The following NDRG2 variants were observed in gnomAD, a reference collection of about 807,000 sequenced individuals.
The protein encoded by NDRG2 is protein NDRG2.
In NDRG2, 34 loss-of-function variants were observed where a neutral mutation model predicts 58.2. That is an observed-to-expected ratio of 0.58 (90% CI 0.44 to 0.78). The LOEUF is 0.78. Ranked by LOEUF, NDRG2 falls within the 30% of genes least tolerant of loss-of-function variation. The pLI is 0.00. For missense variants in NDRG2, 434 were observed against 471.2 expected, an observed-to-expected ratio of 0.92 and a Z score of 0.73; for synonymous variants, 187 against 175.9, an observed-to-expected ratio of 1.06 and a Z score of -0.50.
intron 1 of NDRG2, among the ~76,000 whole-genome samples, chr14:21,046,178 TAC>T (rs1885135645): frequency 6.6e-6 from 1 of 152,206 alleles, no homozygotes; most frequent in African/African-American, 2.4e-5. Flanking sequence ...TTCTGTTCTG[TAC>T]TATTTGTTAA....
intron 1 of NDRG2, among the ~76,000 whole-genome samples, chr14:21,052,968 G>C (rs1885530426): frequency 6.6e-6 from 1 of 152,146 alleles, no homozygotes; most frequent in South Asian, 2.1e-4. Flanking sequence ...TATTCAGTCT[G>C]TTAGCCTACT....
chr14:21,021,663 T>C (rs966067120), intron 6 of NDRG2, 154 bp downstream of exon 6: 5 of 860,826 alleles, frequency 5.8e-6, no homozygotes, highest in Admixed American at 5.2e-5. Flanking sequence ...CCCACCACCT[T>C]TTCTCAATAA....
chr14:21,053,763 C>T (rs1885564968), intron 1 of NDRG2, among the ~76,000 whole-genome samples: 1 of 152,110 alleles, frequency 6.6e-6, no homozygotes, highest in Non-Finnish European at 1.5e-5. Flanking sequence ...ATGATCGTGC[C>T]ACTGCACTCC....
chr14:21,025,148 C>A, upstream of NDRG2: 1 of 969,246 alleles, frequency 1.0e-6, no homozygotes, highest in Non-Finnish European at 1.2e-6. The surrounding 1 kb of genome is among the most constrained non-coding windows in gnomAD (Gnocchi z 5.1). Context: ...CTAGGCTCCC[C>A]GCAGACCCGC....
intron 1 of NDRG2, among the ~76,000 whole-genome samples, chr14:21,069,021 CCTCCAGCTGCAGGGGCA>C (rs1886457961): frequency 6.6e-6 from 1 of 152,248 alleles, no homozygotes; most frequent in Non-Finnish European, 1.5e-5. Context: ...TCATCATCGC[CCTCCAGCTGCAGGGGCA>C]CACGCGTTCA....
chr14:21,020,785 G>A lies in NDRG2; in HGVS notation c.467C>T (p.Ala156Val), dbSNP rs1216275980. The change falls in exon 7 of 16, where the codon GCT (alanine) becomes GTT (valine). Residue 156 changes from alanine (A) to valine (V), a missense_variant and splice_region_variant. By Grantham distance (64) the Ala-to-Val change is moderately conservative. Transcript: ENST00000556147. Reference protein sequence around the residue: ...GAGAYILARYALNHPDTVEGL... With the variant: ...GAGAYILARYVLNHPDTVEGL... ...TCCTCTGGGCTTTTTATTTCTTACA[G>A]CATATCTCGCCAGGATGTAGGCTCC... The A allele has an allele frequency of 1.2e-6, 2 of 1,613,826 alleles. No homozygotes were observed. Among genetic ancestry groups the A allele is most frequent in the East Asian group, 4.5e-5 (2 of 44,904 alleles).
chr14:21,043,504 C>T (rs1885009178), intron 1 of NDRG2: 1 of 1,309,748 alleles, frequency 7.6e-7, no homozygotes, highest in African/African-American at 1.5e-5. Context: ...CTTCAATTCC[C>T]TCTCCAGGAC....
chr14:21,043,092 A>G, intron 1 of NDRG2: 1 of 1,614,150 alleles, frequency 6.2e-7, no homozygotes, highest in Admixed American at 1.7e-5. Context: ...CAAGGGCATG[A>G]CCTCATCACA....
Position 21,024,469 on chromosome 14 carries a change from G to A in NDRG2, c.-446C>T. ...TTCTATCTGCAGGGGGACTAAACGC[G>A]GGGGAATAGGGGATCCCCAAAATTT... is the stretch of plus-strand genomic sequence containing the variant. On this transcript the variant is annotated 5_prime_UTR_variant, in exon 1 of 16. Coordinates refer to ENST00000556147, the MANE Select transcript of NDRG2 (RefSeq NM_001320329.2). The A allele has an allele frequency of 3.8e-5, 36 of 958,744 alleles. No homozygotes were observed. Among genetic ancestry groups the A allele is most frequent in the Non-Finnish European group, 4.5e-5 (36 of 805,702 alleles). 59.4% of individuals were successfully genotyped at this position (958,744 alleles called of 1,614,324 possible). A position where few individuals can be genotyped will look rare whatever the true frequency, so the allele number is the denominator to read the frequency against.
chr14:21,023,075 GA>G, intron 2 of NDRG2, 165 bp downstream of exon 2: 1 of 947,068 alleles, frequency 1.1e-6, no homozygotes, highest in African/African-American at 1.6e-5. Flanking sequence ...GTAGTGACGA[GA>G]CAAGGGCCTG....
Position 21,022,851 on chromosome 14 carries a change from C to T in NDRG2, c.117+13G>A, listed in dbSNP as rs752303732. 2 of 1,613,200 alleles carry T rather than the reference C, an allele frequency of 1.2e-6. No homozygotes were observed. ...CCCCTCCTCCCACCTTGGGACTGCCCCCACACTGTTACCTGTCCCTGGTCC... is the reference window on the plus strand; with the variant it reads ...CCCCTCCTCCCACCTTGGGACTGCCTCCACACTGTTACCTGTCCCTGGTCC... On this transcript the variant is annotated intron_variant, in intron 3 of 15. Transcript: ENST00000556147.
intron 1 of NDRG2, among the ~76,000 whole-genome samples, chr14:21,057,084 AC>A (rs1325334583): frequency 6.6e-6 from 1 of 152,220 alleles, no homozygotes; most frequent in African/African-American, 2.4e-5. Flanking sequence ...TTTCAGGGAC[AC>A]CTAAGCTAGT....
At chr14:21,059,151 G>A (rs558533807) in intron 1 of NDRG2, among the ~76,000 whole-genome samples, 42 of 152,322 alleles carry the variant, frequency 2.8e-4, no homozygotes, top group African/African-American at 9.6e-4. Flanking sequence ...TTGTGTGTGC[G>A]CAAGACCAGA....
intron 1 of NDRG2, among the ~76,000 whole-genome samples, chr14:21,055,594 C>T (rs1885639534): frequency 6.6e-6 from 1 of 152,192 alleles, no homozygotes; most frequent in Non-Finnish European, 1.5e-5. Flanking sequence ...TGGCCAGCTG[C>T]ATGGGCCAGT....
chr14:21,017,660 TGGGACAGGGTGCGAGAGC>T lies in NDRG2; in HGVS notation c.1034_1051del (p.Arg345_Ser350del), dbSNP rs746199044. ...AGAAAGAGTTCCAGACTCGCTGCTC[TGGGACAGGGTGCGAGAGC>T]GGGACCGGTTGCCATCAACGGATGC... On this transcript the variant is annotated inframe_deletion, in exon 16 of 16. Coordinates refer to ENST00000556147, the MANE Select transcript of NDRG2 (RefSeq NM_001320329.2). The T allele has an allele frequency of 1.2e-6, 2 of 1,612,930 alleles. No individual in the cohort carries two copies. Among genetic ancestry groups the T allele is most frequent in the Non-Finnish European group, 1.7e-6 (2 of 1,179,500 alleles).
chr14:21,021,465 G>A, intron 6 of NDRG2: 1 of 327,908 alleles, frequency 3.0e-6, no homozygotes, highest in Non-Finnish European at 5.8e-6. Flanking sequence ...GGGCATGAAG[G>A]AGAGGGGAGT....
chr14:21,042,393 C>T (rs1221446490), intron 1 of NDRG2: 1 of 155,130 alleles, frequency 6.4e-6, no homozygotes, highest in East Asian at 1.9e-4. Flanking sequence ...TGCGTGGACA[C>T]CACCTCAGCC....
chr14:21,041,535 T>G (rs1884894004), intron 1 of NDRG2, among the ~76,000 whole-genome samples: 1 of 151,948 alleles, frequency 6.6e-6, no homozygotes, highest in South Asian at 2.1e-4. Context: ...TATTCCAAGC[T>G]CACAAGAGCT....
upstream of NDRG2, chr14:21,028,587 T>C (rs2139065963): frequency 6.6e-6 from 1 of 152,270 alleles, no homozygotes; most frequent in African/African-American, 2.4e-5. Context: ...TATAGGTCCT[T>C]GAATGCTAAG....
Sources: allele counts gnomAD v4.1 joint callset (sites outside exome capture counted in the v4.1 genomes callset), GRCh38; gene constraint gnomAD v4.1.1; non-coding constraint Gnocchi (gnomAD v3.1); transcripts MANE v1.5; gene names NCBI Gene and HGNC (gene_info 2026-07-23, HGNC 2026-07-21).